Variants in ZNF442 observed in about 807,000 individuals in gnomAD.
ZNF442 encodes the protein zinc finger protein 442.
A neutral mutation model predicts 57.0 loss-of-function variants in ZNF442; 45 were observed. The observed-to-expected ratio is 0.79, with a 90% CI of 0.62 to 1.01. The LOEUF is 1.01. Ranked by LOEUF, ZNF442 falls within the 50% of genes least tolerant of loss-of-function variation. The probability of loss-of-function intolerance (pLI) is 0.00; values close to 1 mark genes in which losing one functional copy is unlikely to be tolerated. For synonymous variants in ZNF442, 213 were observed against 241.8 expected (o/e 0.88, Z 1.10); for missense variants, 690 against 756.5 (o/e 0.91, Z 1.03).
At chr19:12,363,925 G>C (rs1209030634) in intron 2 of ZNF442, among the ~76,000 whole-genome samples, 6 of 152,222 alleles carry the variant, frequency 3.9e-5, no homozygotes, top group Admixed American at 3.9e-4. Flanking sequence ...AAAAGGCAGA[G>C]AGTGGGCTGA....
upstream of ZNF442, among the ~76,000 whole-genome samples, chr19:12,367,952 G>A (rs554405242): frequency 5.3e-5 from 8 of 152,274 alleles, no homozygotes; most frequent in South Asian, 4.2e-4. Context: ...ACAGGCATGA[G>A]CCACCACACC....
intron 3 of ZNF442, among the ~76,000 whole-genome samples, chr19:12,361,422 T>C (rs966208652): frequency 2.6e-5 from 4 of 152,116 alleles, no homozygotes; most frequent in Admixed American, 2.6e-4. Context: ...TTCCCCACCC[T>C]AAAAAGGAAA....
chr19:12,369,491 G>A (rs376879504), upstream of ZNF442, among the ~76,000 whole-genome samples: 6 of 152,248 alleles, frequency 3.9e-5, no homozygotes, highest in Non-Finnish European at 8.8e-5. Flanking sequence ...GGTGGTGCAC[G>A]CCTATAATCC....
At position 12,350,781 on chromosome 19, in the gene ZNF442, C is replaced by T. The variant is rs769040965; in HGVS notation, c.804G>A (p.Lys268=). 6 of 1,614,050 alleles carry T rather than the reference C, an allele frequency of 3.7e-6. No homozygotes were observed. Among genetic ancestry groups the T allele is most frequent in the African/African-American group, 2.7e-5 (2 of 75,014 alleles). Reference sequence around the variant, plus strand: ...AATCAGGGAAGGCTTTGGAACAGTGCTTGCATTCATATGGTTTCTCCCCAG... The same window carrying T: ...AATCAGGGAAGGCTTTGGAACAGTGTTTGCATTCATATGGTTTCTCCCCAG... The part of the protein sequence containing the change: ...THTGEKPYEC[K]HCSKAFPDYS... The change falls in exon 6 of 6, where the codon AAG becomes AAA. Residue 268 remains lysine (K), a synonymous_variant. Coordinates refer to ENST00000242804, the MANE Select transcript of ZNF442 (RefSeq NM_030824.3).
chr19:12,373,219 A>G, the ZNF442 span, among the ~76,000 whole-genome samples: 6 of 152,184 alleles, frequency 3.9e-5, no homozygotes, highest in African/African-American at 1.4e-4. Context: ...TTCATCAGGA[A>G]ACATAGACAG....
At chr19:12,359,841 A>T (rs1969393521) in intron 3 of ZNF442, among the ~76,000 whole-genome samples, 1 of 152,028 alleles carries the variant, frequency 6.6e-6, no homozygotes, top group Admixed American at 6.6e-5. Flanking sequence ...AGCCGGGCGT[A>T]GTGGCATGCG....
chr19:12,367,994 T>C (rs1271572077), upstream of ZNF442, among the ~76,000 whole-genome samples: 1 of 152,170 alleles, frequency 6.6e-6, no homozygotes, highest in Non-Finnish European at 1.5e-5. Context: ...TATTCCTTGC[T>C]GGGAAAAGAA....
At chr19:12,355,868 C>A (rs754848144) in intron 3 of ZNF442, among the ~76,000 whole-genome samples, 9 of 151,902 alleles carry the variant, frequency 5.9e-5, no homozygotes, top group African/African-American at 1.9e-4. Flanking sequence ...ACCTGGGAGG[C>A]TGATGCCTGT....
At chr19:12,370,908 G>T in the ZNF442 span, among the ~76,000 whole-genome samples, 1 of 151,414 alleles carries the variant, frequency 6.6e-6, no homozygotes. Context: ...GGAAGGCGGA[G>T]GTTGCAGTGA....
At position 12,346,189 on chromosome 19, in the gene ZNF442, A is replaced by G. The variant is rs184099047; in HGVS notation, c.*3512T>C. On this transcript the variant is annotated 3_prime_UTR_variant, in exon 6 of 6. Transcript: ENST00000242804. ...CAAGCACTTGGGAGCTGAAAAAAGA[A>G]AGAAATTTTCTAAATATTAAAAACT... 1 of 152,308 alleles carries G rather than the reference A, an allele frequency of 6.6e-6. No homozygotes were observed. The highest frequency in any genetic ancestry group is 1.5e-5 in the Non-Finnish European group (1 of 68,030). 9.4% of individuals were successfully genotyped at this position (152,308 alleles called of 1,614,324 possible).
chr19:12,355,067 A>G (rs148179517), intron 3 of ZNF442, among the ~76,000 whole-genome samples: 7,347 of 152,082 alleles, frequency 0.048, 588 homozygotes, highest in African/African-American at 0.17. Flanking sequence ...TGAGGCAGGC[A>G]GATCACGAGG....
At chr19:12,352,144 A>G in intron 4 of ZNF442, 74 bp from the exon 5 acceptor site, 1 of 1,403,022 alleles carries the variant, frequency 7.1e-7, no homozygotes, top group Non-Finnish European at 9.9e-7. Flanking sequence ...TTTATGTACA[A>G]TGGAATCATG....
chr19:12,370,863 C>T (rs908104248), upstream of ZNF442, among the ~76,000 whole-genome samples: 13 of 151,314 alleles, frequency 8.6e-5, no homozygotes, highest in Non-Finnish European at 1.6e-4. Flanking sequence ...ATCCCAGCTA[C>T]TCGGGAGGCT....
chr19:12,366,070 A>T (rs1431300262), upstream of ZNF442, among the ~76,000 whole-genome samples: 1 of 152,222 alleles, frequency 6.6e-6, no homozygotes, highest in Non-Finnish European at 1.5e-5. Context: ...ACACTGAAGC[A>T]GGAGGGAAGG....
intron 5 of ZNF442, among the ~76,000 whole-genome samples, chr19:12,351,558 T>C (rs1179614661): frequency 6.6e-6 from 1 of 152,090 alleles, no homozygotes. Flanking sequence ...CAGGCTGGAG[T>C]GCAGTGGCAT....
At chr19:12,357,690 T>C (rs1012222313) in intron 3 of ZNF442, among the ~76,000 whole-genome samples, 3 of 152,062 alleles carry the variant, frequency 2.0e-5, no homozygotes, top group Non-Finnish European at 4.4e-5. Flanking sequence ...GACTAGAGTA[T>C]AATCCTGAAA....
At position 12,363,248 on chromosome 19, in the gene ZNF442, T is replaced by G. The variant is rs182981293; in HGVS notation, c.78+306A>C. 3.6e-3 allele frequency among the ~76,000 whole-genome samples: 541 copies of G among 152,080 alleles called. 2 individuals are homozygous for G. Among genetic ancestry groups the G allele is most frequent in the African/African-American group, 0.012 (517 of 41,446 alleles). On this transcript the variant is annotated intron_variant, in intron 3 of 5. Transcript: ENST00000242804. ...CTATTTCTGGCCTCTATGGAAATAC[T>G]TTCTCTATCAATCTCTAATCTTATA...
Position 12,364,812 on chromosome 19 carries a change from A to T in ZNF442, c.-51T>A, listed in dbSNP as rs1251155888. The T allele has an allele frequency of 6.6e-6, 1 of 152,186 alleles. No homozygotes were observed. The highest frequency in any genetic ancestry group is 1.5e-5 in the Non-Finnish European group (1 of 68,080). 9.4% of individuals were successfully genotyped at this position (152,186 alleles called of 1,614,324 possible). ...ATATTAACCAGGTACCCTGAGCCCC[A>T]CTGCCTCGCGGGGGCCGCCTTCCTG... On this transcript the variant is annotated 5_prime_UTR_variant, in exon 2 of 6. Coordinates refer to ENST00000242804, the MANE Select transcript of ZNF442 (RefSeq NM_030824.3).
At chr19:12,361,127 G>T (rs1969418158) in intron 3 of ZNF442, among the ~76,000 whole-genome samples, 1 of 151,460 alleles carries the variant, frequency 6.6e-6, no homozygotes, top group South Asian at 2.1e-4. Context: ...GGAGGCAGAG[G>T]TTGCAGTGAG....
Sources: allele counts gnomAD v4.1 joint callset (sites outside exome capture counted in the v4.1 genomes callset), GRCh38; gene constraint gnomAD v4.1.1; transcripts MANE v1.5; gene names NCBI Gene and HGNC (gene_info 2026-07-23, HGNC 2026-07-21).